Variants in NEK6 observed in about 807,000 individuals in gnomAD.
NEK6 encodes NIMA related kinase 6, also known as serine/threonine-protein kinase Nek6.
Under a neutral mutation model 43.5 loss-of-function variants are expected in NEK6, and 27 were observed. The observed-to-expected ratio is 0.62, with a 90% CI of 0.46 to 0.86. The LOEUF (loss-of-function observed/expected upper bound fraction) is 0.86, where lower values mean the gene tolerates loss of function less well. NEK6 is among the 40% of genes least tolerant of loss of function. The pLI is 0.00. For synonymous variants in NEK6, 167 were observed against 164.1 expected (o/e 1.02, Z -0.14); for missense variants, 318 against 414.4 (o/e 0.77, Z 2.02).
At chr9:124,312,827 C>A (rs1564639503) in intron 3 of NEK6, among the ~76,000 whole-genome samples, 178 bp downstream of exon 3, 1 of 152,232 alleles carries the variant, frequency 6.6e-6, no homozygotes, top group Non-Finnish European at 1.5e-5. Flanking sequence ...TCACTGTGAA[C>A]TGCAAAGGAA....
rs1321294179 is a variant in NEK6, at chr9:124,321,574, G to T, written c.405+5G>T. ...GACCTCTCGCAGATGATCAAGGTGA[G>T]CGCCTGGCGGGGTGGGGGTGCTGGG... On this transcript the variant is annotated splice_donor_5th_base_variant and intron_variant, in intron 5 of 9. Transcript: ENST00000320246. 2 of 1,589,052 alleles carry T rather than the reference G, an allele frequency of 1.3e-6. No individual in the cohort carries two copies. The highest frequency in any genetic ancestry group is 1.7e-6 in the Non-Finnish European group (2 of 1,157,322).
intron 1 of NEK6, among the ~76,000 whole-genome samples, chr9:124,273,133 T>G (rs1398519232): frequency 6.6e-6 from 1 of 152,104 alleles, no homozygotes; most frequent in Non-Finnish European, 1.5e-5. Flanking sequence ...GCTCCAAGGC[T>G]GTGAGGTGTG....
intron 1 of NEK6, among the ~76,000 whole-genome samples, chr9:124,259,846 C>T (rs1245816998): frequency 6.6e-6 from 1 of 152,216 alleles, no homozygotes; most frequent in African/African-American, 2.4e-5. Context: ...AAGTCTCAGA[C>T]TGAAGGCCTT....
At chr9:124,349,811 C>T (rs537483464) in intron 9 of NEK6, among the ~76,000 whole-genome samples, 47 of 152,304 alleles carry the variant, frequency 3.1e-4, no homozygotes, top group African/African-American at 9.6e-4. Context: ...CGACTTCAGA[C>T]TCCGGGAGTG....
intron 8 of NEK6, among the ~76,000 whole-genome samples, chr9:124,346,964 G>A (rs142692257): frequency 8.5e-5 from 13 of 152,340 alleles, no homozygotes; most frequent in South Asian, 2.1e-4. Flanking sequence ...TGTGGGTGGG[G>A]ACATTTTACA....
Position 124,319,282 on chromosome 9 carries a change from C to G in NEK6, c.295-2177C>G, listed in dbSNP as rs1426217689. On this transcript the variant is annotated intron_variant, in intron 4 of 9. Transcript: ENST00000320246. ...TACAGGCGTGAGCCACCATGTCCAG[C>G]CTCCTCTGCTCACTTTTTAATGTTT... 2.0e-5 allele frequency among the ~76,000 whole-genome samples: 3 copies of G among 152,200 alleles called. No individual in the cohort carries two copies. In the East Asian group the frequency reaches 5.8e-4, roughly 29 times the overall value.
intron 4 of NEK6, among the ~76,000 whole-genome samples, chr9:124,320,259 C>G (rs1475240076): frequency 6.6e-6 from 1 of 152,180 alleles, no homozygotes; most frequent in Admixed American, 6.5e-5. Context: ...CTGGGGGGAC[C>G]TGGTGAGAGG....
At chr9:124,323,038 GGA>G (rs67517561) in intron 5 of NEK6, among the ~76,000 whole-genome samples, 47,813 of 152,050 alleles carry the variant, frequency 0.31, 7,649 homozygotes, top group African/African-American at 0.33. Context: ...TCCTTCACAC[GGA>G]TTCCCTTGCT....
chr9:124,274,684 G>T (rs1831582963), intron 1 of NEK6, among the ~76,000 whole-genome samples: 1 of 152,198 alleles, frequency 6.6e-6, no homozygotes. Context: ...TAAGAATGCT[G>T]ATCGAGGACA....
intron 3 of NEK6, 36 bp downstream of exon 3, chr9:124,312,685 C>G (rs759767125): frequency 5.5e-5 from 87 of 1,588,760 alleles, no homozygotes; most frequent in Non-Finnish European, 7.2e-5. Context: ...ACCTGCATCT[C>G]GGGAGGTGGT....
intron 7 of NEK6, among the ~76,000 whole-genome samples, chr9:124,339,049 G>A (rs931777692): frequency 2.0e-4 from 10 of 48,998 alleles, no homozygotes; most frequent in African/African-American, 7.5e-4. Flanking sequence ...TTTTTTTTGA[G>A]CCCGAATCTC....
chr9:124,313,258 A>G (rs982522594), intron 3 of NEK6, among the ~76,000 whole-genome samples: 1 of 152,106 alleles, frequency 6.6e-6, no homozygotes, highest in Non-Finnish European at 1.5e-5. Flanking sequence ...TGGGCAGAGG[A>G]GGGCCGGGAG....
chr9:124,321,676 C>A, intron 5 of NEK6, 107 bp downstream of exon 5: 3 of 744,792 alleles, frequency 4.0e-6, no homozygotes, highest in Non-Finnish European at 4.5e-6. Flanking sequence ...TAGCCAGAGG[C>A]GGCCACCCGG....
chr9:124,325,901 C>G (rs1288699342), intron 5 of NEK6, among the ~76,000 whole-genome samples: 1 of 152,206 alleles, frequency 6.6e-6, no homozygotes, highest in Non-Finnish European at 1.5e-5. Context: ...TCCTGGGTGC[C>G]ACCCTCCTGG....
chr9:124,324,456 G>A lies in NEK6; in HGVS notation c.406-1874G>A, dbSNP rs868471187. ...AGGAAGAGTGAAGCTAGGAGCTGCC[G>A]TAGCCCCAGAACCCACCAGAGACTC... On this transcript the variant is annotated intron_variant, in intron 5 of 9. Coordinates refer to ENST00000320246, the MANE Select transcript of NEK6 (RefSeq NM_014397.6). The surrounding 1 kb of genome is among the most constrained non-coding windows in gnomAD (Gnocchi z 5.3). 6.6e-6 allele frequency among the ~76,000 whole-genome samples: 1 copy of A among 152,192 alleles called. No individual in the cohort carries two copies. The highest frequency in any genetic ancestry group is 6.5e-5 in the Admixed American group (1 of 15,282).
Position 124,351,073 on chromosome 9 carries a change from G to T in NEK6, c.*126G>T. On this transcript the variant is annotated 3_prime_UTR_variant, in exon 10 of 10. Transcript: ENST00000320246. ...ACAGGGTTCAGCAGGTTCCCCAAAA[G>T]GCTGCCCAGCCTTACAGCAGATGCT... 1 of 644,420 alleles carries T rather than the reference G, an allele frequency of 1.6e-6. No homozygotes were observed. Among genetic ancestry groups the T allele is most frequent in the African/African-American group, 1.8e-5 (1 of 55,186 alleles). The allele number at this position is 644,420 out of a possible 1,614,324, so 39.9% of individuals were successfully genotyped here.
intron 1 of NEK6, among the ~76,000 whole-genome samples, chr9:124,283,522 A>G (rs1832018515): frequency 6.6e-6 from 1 of 152,054 alleles, no homozygotes; most frequent in South Asian, 2.1e-4. Context: ...GTATCGCGGG[A>G]GGGAGGGTCA....
chr9:124,281,856 G>C (rs7861040), intron 1 of NEK6, among the ~76,000 whole-genome samples: 47,609 of 152,048 alleles, frequency 0.31, 7,779 homozygotes, highest in South Asian at 0.37. Context: ...TTAGATGCCA[G>C]AAAACTCTGG....
chr9:124,329,913 G>A (rs1015008995), intron 7 of NEK6, among the ~76,000 whole-genome samples: 3 of 152,264 alleles, frequency 2.0e-5, no homozygotes, highest in Admixed American at 6.5e-5. Context: ...CGCCCTGTGC[G>A]TGGGGATGAA....
Sources: gnomAD v4.1 joint callset for allele counts (sites outside exome capture counted in the v4.1 genomes callset) on GRCh38, gnomAD v4.1.1 for gene constraint, Gnocchi (gnomAD v3.1) non-coding constraint, MANE v1.5 for transcripts, NCBI Gene and HGNC (gene_info 2026-07-23, HGNC 2026-07-21) for gene names.